ENPP6: variants seen among roughly 807,000 people sequenced by gnomAD.
ENPP6 encodes glycerophosphocholine cholinephosphodiesterase ENPP6.
Under a neutral mutation model 42.0 loss-of-function variants are expected in ENPP6, and 32 were observed. The observed-to-expected ratio is 0.76, with a 90% CI of 0.58 to 1.02. ENPP6 has a LOEUF of 1.02. Ranked by LOEUF, ENPP6 falls within the 50% of genes least tolerant of loss-of-function variation. The pLI is 0.00. For missense variants in ENPP6, 552 were observed against 566.8 expected, an observed-to-expected ratio of 0.97 and a Z score of 0.27; for synonymous variants, 213 against 216.0, an observed-to-expected ratio of 0.99 and a Z score of 0.12.
chr4:184,156,843 G>A (rs1427240466), intron 1 of ENPP6, among the ~76,000 whole-genome samples: 1 of 152,208 alleles, frequency 6.6e-6, no homozygotes, highest in Non-Finnish European at 1.5e-5. Flanking sequence ...ACCATCACAA[G>A]AAGTTTCTTA....
intron 7 of ENPP6, among the ~76,000 whole-genome samples, chr4:184,093,102 G>A (rs946920058): frequency 2.0e-5 from 3 of 152,104 alleles, no homozygotes; most frequent in African/African-American, 4.8e-5. Flanking sequence ...GGGCTCTACC[G>A]CCAGCCTGCA....
chr4:184,181,714 C>T (rs1732555615), intron 1 of ENPP6, among the ~76,000 whole-genome samples: 1 of 152,158 alleles, frequency 6.6e-6, no homozygotes, highest in Non-Finnish European at 1.5e-5. Context: ...TGCACATTTA[C>T]AACCATCTGA....
chr4:184,134,716 T>G (rs180993337), intron 2 of ENPP6, among the ~76,000 whole-genome samples: 2 of 152,126 alleles, frequency 1.3e-5, no homozygotes, highest in Admixed American at 6.5e-5. Context: ...GTTGTATGTT[T>G]ATTTTCTATT....
intron 5 of ENPP6, 145 bp from the exon 6 acceptor site, chr4:184,112,954 A>G: frequency 1.0e-6 from 1 of 1,000,988 alleles, no homozygotes; most frequent in East Asian, 2.8e-5. Context: ...TGTAAAAACA[A>G]AAAACTTTTG....
intron 1 of ENPP6, among the ~76,000 whole-genome samples, chr4:184,164,799 G>C (rs1737323393): frequency 6.6e-6 from 1 of 152,186 alleles, no homozygotes; most frequent in Non-Finnish European, 1.5e-5. Flanking sequence ...TAAAGTAACT[G>C]AGGGGCAGAG....
chr4:184,171,895 G>A (rs1218482847), intron 1 of ENPP6, among the ~76,000 whole-genome samples: 1 of 152,174 alleles, frequency 6.6e-6, no homozygotes, highest in Admixed American at 6.6e-5. Context: ...TCGCGGGCGG[G>A]AGAAGACAGA....
chr4:184,153,591 G>C lies in ENPP6; in HGVS notation c.384C>G (p.Thr128=), dbSNP rs772809482. 6.2e-7 allele frequency: 1 copy of C among 1,614,094 alleles called. No homozygotes were observed. The highest frequency in any genetic ancestry group is 8.5e-7 in the Non-Finnish European group (1 of 1,180,008). The change falls in exon 2 of 8, where the codon ACC becomes ACG. Residue 128 remains threonine (T), a synonymous_variant. Coordinates refer to ENST00000296741, the MANE Select transcript of ENPP6 (RefSeq NM_153343.4). ...ACATGTAGACCTTCCTTTTGGCCTT[G>C]GTCAGAGTGACCCACAGAGGTTCTG... is the stretch of plus-strand genomic sequence containing the variant. The part of the protein sequence containing the change: ...NGSEPLWVTL[T]KAKRKVYMYY...
At chr4:184,094,277 A>AAAAAC (rs78492507) in intron 7 of ENPP6, among the ~76,000 whole-genome samples, 107 of 152,358 alleles carry the variant, frequency 7.0e-4, no homozygotes, top group Non-Finnish European at 1.3e-3. Context: ...ACCATCTCTA[A>AAAAAC]AAAACAAAAC....
At position 184,217,656 on chromosome 4, in the gene ENPP6, C is replaced by G. The variant is rs1733219119; in HGVS notation, c.164G>C (p.Ser55Thr). The change falls in exon 1 of 8, where the codon AGC (serine) becomes ACC (threonine). Residue 55 changes from serine (S) to threonine (T), a missense_variant. By Grantham distance (58) the Ser-to-Thr change is moderately conservative (BLOSUM62 1). This residue lies in a region of ENPP6 where 545 missense variants were observed against 546.3 expected (regional missense o/e 1.00). Coordinates refer to ENST00000296741, the MANE Select transcript of ENPP6 (RefSeq NM_153343.4). Reference sequence around the variant, plus strand: ...CAAGTAATCCACTTTTACTCCCCTGCTCACAATCTCTTTGAAACCAGGCAA... The same window carrying G: ...CAAGTAATCCACTTTTACTCCCCTGGTCACAATCTCTTTGAAACCAGGCAA... ...ESLPGFKEIVSRGVKVDYLTP... is the reference protein window; with the variant it reads ...ESLPGFKEIVTRGVKVDYLTP... 3 of 1,614,226 alleles carry G rather than the reference C, an allele frequency of 1.9e-6. No individual in the cohort carries two copies. Among genetic ancestry groups the G allele is most frequent in the Admixed American group, 1.7e-5 (1 of 60,034 alleles).
At chr4:184,206,458 G>A (rs933686977) in intron 1 of ENPP6, among the ~76,000 whole-genome samples, 37 of 142,610 alleles carry the variant, frequency 2.6e-4, no homozygotes, top group Admixed American at 1.4e-3. Context: ...GGGTTTCACC[G>A]TGTTAGCCAG....
intron 2 of ENPP6, among the ~76,000 whole-genome samples, chr4:184,124,844 G>A (rs538867213): frequency 6.6e-6 from 1 of 152,290 alleles, no homozygotes; most frequent in South Asian, 2.1e-4. Flanking sequence ...GCCCAAAACA[G>A]AGTGAAAGAA....
At chr4:184,192,641 A>G (rs1004273919) in intron 1 of ENPP6, among the ~76,000 whole-genome samples, 1 of 152,348 alleles carries the variant, frequency 6.6e-6, no homozygotes, top group East Asian at 1.9e-4. Context: ...AAGACATCCC[A>G]TGAAGAAAGT....
chr4:184,175,176 G>A (rs1363764442), intron 1 of ENPP6, among the ~76,000 whole-genome samples: 1 of 151,894 alleles, frequency 6.6e-6, no homozygotes, highest in South Asian at 2.1e-4. Context: ...CCTCTCCTCC[G>A]CCGCCCGGAA....
intron 1 of ENPP6, among the ~76,000 whole-genome samples, chr4:184,180,763 A>G (rs555757211): frequency 2.3e-4 from 35 of 152,294 alleles, no homozygotes; most frequent in African/African-American, 7.9e-4. Flanking sequence ...CAAAAACCAC[A>G]TGATTATCTC....
intron 1 of ENPP6, among the ~76,000 whole-genome samples, chr4:184,155,551 AAAG>A (rs1327155844): frequency 6.6e-6 from 1 of 152,180 alleles, no homozygotes; most frequent in East Asian, 1.9e-4. Flanking sequence ...GTCAGGAACC[AAAG>A]AAGAGCCTCT....
intron 6 of ENPP6, among the ~76,000 whole-genome samples, chr4:184,106,810 G>A (rs1453722215): frequency 1.3e-5 from 2 of 152,210 alleles, no homozygotes; most frequent in African/African-American, 2.4e-5. Flanking sequence ...TCCCCACTGT[G>A]GAATTAGAAC....
chr4:184,147,374 T>A (rs1264983081), intron 2 of ENPP6, among the ~76,000 whole-genome samples: 1 of 152,208 alleles, frequency 6.6e-6, no homozygotes, highest in African/African-American at 2.4e-5. Flanking sequence ...CCACCCTGGA[T>A]GTCTCCATTC....
intron 1 of ENPP6, among the ~76,000 whole-genome samples, 156 bp from the exon 2 acceptor site, chr4:184,153,889 T>A (rs549285249): frequency 5.9e-5 from 9 of 151,898 alleles, no homozygotes; most frequent in Non-Finnish European, 1.2e-4. Flanking sequence ...GATTTTTTTT[T>A]CTTAAGCTGT....
rs140512564 is a variant in ENPP6 at position 184,195,195 on chromosome 4, G to A, written c.241+22384C>T. Among the ~76,000 whole-genome samples the A allele has an allele frequency of 3.1e-4, 47 of 152,182 alleles. 1 individual carries two copies. The East Asian group carries it at 7.5e-3, about 24-fold the overall frequency. On this transcript the variant is annotated intron_variant, in intron 1 of 7. Transcript: ENST00000296741. ...TGTTACCTAAGCAAACTTGTGTCACGTGGGTTTGTTGTACGGATTATTTCA... is the reference window on the plus strand; with the variant it reads ...TGTTACCTAAGCAAACTTGTGTCACATGGGTTTGTTGTACGGATTATTTCA...
Sources: gnomAD v4.1 joint callset for allele counts (sites outside exome capture counted in the v4.1 genomes callset) on GRCh38, gnomAD v4.1.1 for gene constraint, gnomAD v4.1.1 regional missense constraint, MANE v1.5 for transcripts, NCBI Gene and HGNC (gene_info 2026-07-23, HGNC 2026-07-21) for gene names.